The following MMP16 variants were observed in gnomAD, a reference collection of about 807,000 sequenced individuals.
The protein encoded by MMP16 is matrix metallopeptidase 16, also known as matrix metalloproteinase-16.
A neutral mutation model predicts 67.8 loss-of-function variants in MMP16; 12 were observed. The ratio of observed to expected loss-of-function variants is 0.18; its 90% confidence interval spans 0.11 to 0.29. The LOEUF (loss-of-function observed/expected upper bound fraction) is 0.29. MMP16 is among the 10% of genes least tolerant of loss of function. The pLI, the probability that MMP16 is intolerant of heterozygous loss-of-function variation, is 1.00. For synonymous variants in MMP16, 249 were observed against 255.9 expected (o/e 0.97, Z 0.26); for missense variants, 475 against 765.7 (o/e 0.62, Z 4.48).
At chr8:88,252,788 T>G (rs978475157) in intron 1 of MMP16, among the ~76,000 whole-genome samples, 2 of 152,066 alleles carry the variant, frequency 1.3e-5, no homozygotes, top group African/African-American at 4.8e-5. Context: ...CTTAGAATTA[T>G]CTTGAGACTA....
intron 1 of MMP16, among the ~76,000 whole-genome samples, chr8:88,204,091 TA>T (rs888003419): frequency 1.3e-5 from 2 of 152,238 alleles, no homozygotes; most frequent in Admixed American, 6.5e-5. Flanking sequence ...CCAACTGTCA[TA>T]ATTCCCTACT....
chr8:88,218,548 G>C (rs1809629577), intron 1 of MMP16, among the ~76,000 whole-genome samples: 1 of 151,944 alleles, frequency 6.6e-6, no homozygotes, highest in African/African-American at 2.4e-5. Context: ...CTTGATAGTG[G>C]TAATTGTTTC....
At chr8:88,214,600 T>C (rs757850799) in intron 1 of MMP16, among the ~76,000 whole-genome samples, 23 of 152,222 alleles carry the variant, frequency 1.5e-4, no homozygotes, top group Non-Finnish European at 2.6e-4. Flanking sequence ...ATGTAATTAA[T>C]ATGTACATTA....
Position 88,061,568 on chromosome 8 carries a change from T to A in MMP16, c.1223-5290A>T, listed in dbSNP as rs148221963. Among the ~76,000 whole-genome samples, 72 of 152,174 alleles carry A rather than the reference T, an allele frequency of 4.7e-4. 3 individuals carry two copies. In the East Asian group the frequency reaches 0.013, roughly 27 times the overall value. On this transcript the variant is annotated intron_variant, in intron 7 of 9. Transcript: ENST00000286614. Reference sequence around the variant, plus strand: ...ATGATAATTTCTTCCAGGCTTTTTTTAGTGATGACACTAGGCTCATCAATA... The same window carrying A: ...ATGATAATTTCTTCCAGGCTTTTTTAAGTGATGACACTAGGCTCATCAATA...
chr8:88,038,565 A>AT lies in MMP16; in HGVS notation c.*2895dup, dbSNP rs1212085410. 1 of 152,532 alleles carries AT rather than the reference A, an allele frequency of 6.6e-6. No homozygotes were observed. Among genetic ancestry groups the AT allele is most frequent in the Non-Finnish European group, 1.5e-5 (1 of 67,986 alleles). The allele number at this position is 152,532 out of a possible 1,614,324, so 9.4% of individuals were successfully genotyped here. A position where few individuals can be genotyped will look rare whatever the true frequency, so the allele number is the denominator to read the frequency against. On this transcript the variant is annotated 3_prime_UTR_variant, in exon 10 of 10. Coordinates refer to ENST00000286614, the MANE Select transcript of MMP16 (RefSeq NM_005941.5). This position sits in a 1 kb window ranked among gnomAD's most constrained non-coding sequence, Gnocchi z 4.1. ...TGCAGGGTGATGGAGTTCCTCAATG[A>AT]TTTGCACATGTCCCAAAATGACACA...
chr8:88,311,233 ACT>A (rs1375575796), intron 1 of MMP16, among the ~76,000 whole-genome samples: 3 of 152,038 alleles, frequency 2.0e-5, no homozygotes, highest in Non-Finnish European at 2.9e-5. Context: ...TTTGATAAAG[ACT>A]CTACGGTGGA....
intron 6 of MMP16, among the ~76,000 whole-genome samples, chr8:88,092,071 G>A (rs1808947575): frequency 6.6e-6 from 1 of 151,792 alleles, no homozygotes; most frequent in African/African-American, 2.4e-5. Flanking sequence ...AATGTTGAGT[G>A]ACATAATTCT....
At chr8:88,115,382 C>T (rs1031055826) in intron 6 of MMP16, among the ~76,000 whole-genome samples, 3 of 151,838 alleles carry the variant, frequency 2.0e-5, no homozygotes, top group South Asian at 2.1e-4. Flanking sequence ...AATAGAATGG[C>T]GATATCAAAT....
chr8:88,090,727 A>C (rs1479443155), intron 6 of MMP16, among the ~76,000 whole-genome samples: 1 of 151,930 alleles, frequency 6.6e-6, no homozygotes, highest in African/African-American at 2.4e-5. Context: ...AGCTTTACAA[A>C]ATAGACATTG....
At chr8:88,190,714 A>G (rs1181458360) in intron 2 of MMP16, among the ~76,000 whole-genome samples, 3 of 152,208 alleles carry the variant, frequency 2.0e-5, no homozygotes, top group East Asian at 1.9e-4. Flanking sequence ...AAGTTAACAT[A>G]TAAGTGTATT....
At chr8:88,057,089 T>C (rs1452446875) in intron 7 of MMP16, among the ~76,000 whole-genome samples, 2 of 152,094 alleles carry the variant, frequency 1.3e-5, no homozygotes, top group Non-Finnish European at 2.9e-5. Flanking sequence ...TGTTCTGGAG[T>C]CACCAATGCC....
At chr8:88,117,336 G>T (rs1019448422) in intron 5 of MMP16, among the ~76,000 whole-genome samples, 3 of 152,094 alleles carry the variant, frequency 2.0e-5, no homozygotes, top group Admixed American at 6.6e-5. Flanking sequence ...TTAATGTGAA[G>T]AAGTATTTCT....
intron 4 of MMP16, among the ~76,000 whole-genome samples, chr8:88,138,658 A>G (rs1382765677): frequency 2.0e-5 from 3 of 151,992 alleles, no homozygotes; most frequent in Non-Finnish European, 4.4e-5. Context: ...GTAAGATAGT[A>G]TCAACCCTCA....
intron 1 of MMP16, among the ~76,000 whole-genome samples, chr8:88,275,810 AAT>A (rs764818686): frequency 3.3e-5 from 5 of 151,936 alleles, no homozygotes; most frequent in Non-Finnish European, 7.4e-5. Flanking sequence ...CTACATTATA[AAT>A]AATACCATTG....
chr8:88,254,816 C>A (rs1810277131), intron 1 of MMP16, among the ~76,000 whole-genome samples: 1 of 152,010 alleles, frequency 6.6e-6, no homozygotes, highest in East Asian at 1.9e-4. Context: ...GAGATAAAAA[C>A]TAAGGAAATT....
intron 1 of MMP16, among the ~76,000 whole-genome samples, chr8:88,223,811 G>A (rs1288070547): frequency 6.6e-6 from 1 of 151,876 alleles, no homozygotes; most frequent in Non-Finnish European, 1.5e-5. Context: ...TGCAAGTTGT[G>A]CACATGTACC....
chr8:88,161,512 C>T (rs1405589999), intron 4 of MMP16, among the ~76,000 whole-genome samples: 5 of 152,096 alleles, frequency 3.3e-5, no homozygotes, highest in Admixed American at 6.6e-5. Context: ...CTCCTGGATT[C>T]ATTAATTTTT....
intron 1 of MMP16, among the ~76,000 whole-genome samples, chr8:88,299,577 T>C (rs1310044728): frequency 6.6e-6 from 1 of 152,142 alleles, no homozygotes; most frequent in African/African-American, 2.4e-5. Flanking sequence ...TATCCAGATA[T>C]TACCCAAAGC....
intron 4 of MMP16, among the ~76,000 whole-genome samples, chr8:88,152,342 G>A (rs1293397884): frequency 7.9e-6 from 1 of 126,710 alleles, no homozygotes; most frequent in Non-Finnish European, 1.6e-5. Flanking sequence ...GAAAAAGAGG[G>A]ACTCCTCCCT....
Sources: allele counts gnomAD v4.1 joint callset (sites outside exome capture counted in the v4.1 genomes callset), GRCh38; gene constraint gnomAD v4.1.1; non-coding constraint Gnocchi (gnomAD v3.1); transcripts MANE v1.5; gene names NCBI Gene and HGNC (gene_info 2026-07-23, HGNC 2026-07-21).